Variants in NYAP2 observed in about 807,000 individuals in gnomAD.
The protein encoded by NYAP2 is neuronal tyrosine-phosphorylated phosphoinositide-3-kinase adaptor 2.
A neutral mutation model predicts 50.4 loss-of-function variants in NYAP2; 23 were observed. The ratio of observed to expected loss-of-function variants is 0.46; its 90% CI spans 0.33 to 0.65. NYAP2 has a LOEUF of 0.65. Among genes scored for constraint, NYAP2 ranks in the 30% least tolerant of loss-of-function variants. The probability of loss-of-function intolerance (pLI) is 0.02; values close to 1 mark genes in which losing one functional copy is unlikely to be tolerated. For missense variants in NYAP2, 885 were observed against 861.0 expected (o/e 1.03, Z -0.35); for synonymous variants, 394 against 365.2 (o/e 1.08, Z -0.90).
chr2:225,471,100 C>T (rs1212605750), intron 3 of NYAP2, among the ~76,000 whole-genome samples: 7 of 152,148 alleles, frequency 4.6e-5, no homozygotes, highest in Non-Finnish European at 1.5e-5. Context: ...TTAGACAAAC[C>T]TCCATTGTTT....
At position 225,517,567 on chromosome 2, in the gene NYAP2, C is replaced by T. The variant is rs898015444; in HGVS notation, c.523+3895C>T. Among the ~76,000 whole-genome samples the T allele has an allele frequency of 5.9e-5, 9 of 152,190 alleles. No individual in the cohort carries two copies. In the East Asian group the frequency reaches 9.6e-4, roughly 16 times the overall value. On this transcript the variant is annotated intron_variant, in intron 4 of 6. Coordinates refer to ENST00000636099, the Ensembl canonical transcript of NYAP2. ...TTACCTTTAAAGTGATTGTGAATAA[C>T]GGAAAAAATGATCAGATCCTGCATC... is the stretch of plus-strand genomic sequence containing the variant.
At chr2:225,398,177 C>A (rs923999235), upstream of NYAP2, among the ~76,000 whole-genome samples, 3 of 151,942 alleles carry the variant, frequency 2.0e-5, no homozygotes, top group African/African-American at 7.2e-5. Context: ...GGACTGAGAA[C>A]CACTGTACTG....
At chr2:225,623,365 A>G (rs1209982046) in intron 5 of NYAP2, among the ~76,000 whole-genome samples, 3 of 152,222 alleles carry the variant, frequency 2.0e-5, no homozygotes, top group Admixed American at 6.5e-5. Flanking sequence ...ATAAAAGTAT[A>G]TTATTGTAAC....
At chr2:225,531,835 C>T (rs572942774) in intron 4 of NYAP2, among the ~76,000 whole-genome samples, 10 of 152,168 alleles carry the variant, frequency 6.6e-5, no homozygotes, top group South Asian at 2.1e-4. Flanking sequence ...CTGGCTCTTT[C>T]GGTTTGTAAA....
At chr2:225,664,356 C>T in the NYAP2 span, among the ~76,000 whole-genome samples, 1 of 152,114 alleles carries the variant, frequency 6.6e-6, no homozygotes, top group Non-Finnish European at 1.5e-5. Flanking sequence ...TATTTTTATC[C>T]TGGAAATCTC....
At chr2:225,418,958 A>G (rs1695170451) in intron 3 of NYAP2, among the ~76,000 whole-genome samples, 1 of 152,240 alleles carries the variant, frequency 6.6e-6, no homozygotes, top group Admixed American at 6.5e-5. Context: ...ATTGTTAACT[A>G]CAGGTACAGA....
At chr2:225,522,851 G>T (rs1261665910) in intron 4 of NYAP2, among the ~76,000 whole-genome samples, 3 of 152,146 alleles carry the variant, frequency 2.0e-5, no homozygotes, top group African/African-American at 4.8e-5. Context: ...ATGTAATCGG[G>T]TGTTTATCTA....
intron 3 of NYAP2, among the ~76,000 whole-genome samples, chr2:225,468,687 C>A (rs1689963836): frequency 1.3e-5 from 2 of 152,126 alleles, no homozygotes; most frequent in Non-Finnish European, 2.9e-5. Flanking sequence ...CAGCAATACA[C>A]AAAACCATTG....
intron 4 of NYAP2, among the ~76,000 whole-genome samples, chr2:225,557,564 A>G (rs907189601): frequency 6.6e-5 from 10 of 152,174 alleles, no homozygotes; most frequent in Admixed American, 5.2e-4. Flanking sequence ...ATAAATGGAA[A>G]TAGGGAAATA....
chr2:225,414,884 C>T (rs1018824625), intron 3 of NYAP2, among the ~76,000 whole-genome samples: 5 of 152,114 alleles, frequency 3.3e-5, no homozygotes, highest in Admixed American at 6.6e-5. Context: ...AAACGATATA[C>T]GAAACATCCT....
At chr2:225,413,412 G>C (rs924484564) in intron 3 of NYAP2, among the ~76,000 whole-genome samples, 1 of 152,120 alleles carries the variant, frequency 6.6e-6, no homozygotes, top group African/African-American at 2.4e-5. Flanking sequence ...TTTACAGTTA[G>C]AGCTGTGGAA....
intron 5 of NYAP2, among the ~76,000 whole-genome samples, chr2:225,613,142 A>G (rs2106248813): frequency 6.6e-6 from 1 of 152,316 alleles, no homozygotes; most frequent in East Asian, 1.9e-4. Context: ...GTCGTGTCTC[A>G]GTCCAAGTCC....
In NYAP2 at chr2:225,575,588, T is replaced by G. The variant is rs1257244477; in HGVS notation, c.524-6353T>G. Among the ~76,000 whole-genome samples, 3 of 152,342 alleles carry G rather than the reference T, an allele frequency of 2.0e-5. No homozygotes were observed. The East Asian group carries it at 5.8e-4, about 29-fold the overall frequency. ...CATTATTGATTCCATTTCTTGGTTC[T>G]TTTCCTCATGGATAGCTTGAGCTTC... On this transcript the variant is annotated intron_variant, in intron 4 of 6. Coordinates refer to ENST00000636099, the Ensembl canonical transcript of NYAP2.
chr2:225,582,327 T>C lies in NYAP2; in HGVS notation c.910T>C (p.Leu304=). The C allele has an allele frequency of 1.2e-6, 2 of 1,614,006 alleles. No homozygotes were observed. The highest frequency in any genetic ancestry group is 1.7e-6 in the Non-Finnish European group (2 of 1,179,874). The change falls in exon 5 of 7, where the codon TTG becomes CTG. Residue 304 remains leucine, a synonymous_variant. Coordinates refer to ENST00000636099, the Ensembl canonical transcript of NYAP2. The surrounding 1 kb of genome is among the most constrained non-coding windows in gnomAD (Gnocchi z 7.0). ...GTGTGCTACTCCCACGGTGCCTGAC[T>C]TGGACTTCGCCAAGGCCTCAGTGCC...
intron 4 of NYAP2, among the ~76,000 whole-genome samples, chr2:225,543,515 G>T (rs1269336331): frequency 1.3e-5 from 2 of 151,862 alleles, no homozygotes; most frequent in Non-Finnish European, 2.9e-5. Context: ...TGGACCCACT[G>T]GTCATTCAGG....
chr2:225,520,867 A>G (rs1362696707), intron 4 of NYAP2, among the ~76,000 whole-genome samples: 2 of 152,082 alleles, frequency 1.3e-5, no homozygotes, highest in Non-Finnish European at 2.9e-5. Context: ...CTTGGGCAGT[A>G]TGGCCATTTT....
At chr2:225,399,730 G>T (rs1694825673) in exon 1 of NYAP2, 1 of 151,990 alleles carries the variant, frequency 6.6e-6, no homozygotes, top group Admixed American at 6.6e-5. Context: ...TGCATGGCTC[G>T]GCTGTGCAGG....
downstream of NYAP2, among the ~76,000 whole-genome samples, chr2:225,655,909 C>CACACACACACACACACACAT (rs1559242690): frequency 2.1e-4 from 31 of 146,322 alleles, no homozygotes; most frequent in African/African-American, 7.8e-4. Flanking sequence ...CACACACACA[C>CACACACACACACACACACAT]ACACACACAC....
At chr2:225,422,534 A>C (rs1011802460) in intron 3 of NYAP2, among the ~76,000 whole-genome samples, 1 of 152,212 alleles carries the variant, frequency 6.6e-6, no homozygotes, top group African/African-American at 2.4e-5. Context: ...GCAACAGCAA[A>C]AAAGGACAGA....
Sources: gnomAD v4.1 joint callset for allele counts (sites outside exome capture counted in the v4.1 genomes callset) on GRCh38, gnomAD v4.1.1 for gene constraint, Gnocchi (gnomAD v3.1) non-coding constraint, MANE v1.5 for transcripts, NCBI Gene and HGNC (gene_info 2026-07-23, HGNC 2026-07-21) for gene names.